EPB41L2: variants seen among roughly 807,000 people sequenced by gnomAD.
EPB41L2 encodes the protein erythrocyte membrane protein band 4.1 like 2.
Under a neutral mutation model 113.0 loss-of-function variants are expected in EPB41L2, and 43 were observed. The ratio of observed to expected loss-of-function variants is 0.38; its 90% CI spans 0.30 to 0.49. The LOEUF (loss-of-function observed/expected upper bound fraction) is 0.49, where lower values mean the gene tolerates loss of function less well. Among genes scored for constraint, EPB41L2 ranks in the 20% least tolerant of loss-of-function variants. The pLI, the probability that EPB41L2 is intolerant of heterozygous loss-of-function variation, is 0.95. For missense variants in EPB41L2, 1,147 were observed against 1,223.4 expected (o/e 0.94, Z 0.93); for synonymous variants, 442 against 436.7 (o/e 1.01, Z -0.15).
At chr6:130,879,630 A>C (rs191468754) in intron 13 of EPB41L2, among the ~76,000 whole-genome samples, 19 of 152,278 alleles carry the variant, frequency 1.2e-4, no homozygotes, top group African/African-American at 4.6e-4. Context: ...TAATTAAAAT[A>C]ATTTCTTTAA....
At chr6:130,913,616 C>T (rs1005346841) in intron 4 of EPB41L2, among the ~76,000 whole-genome samples, 7 of 151,946 alleles carry the variant, frequency 4.6e-5, no homozygotes, top group Non-Finnish European at 7.4e-5. Flanking sequence ...TAAATGATCA[C>T]GTTATATTAC....
At chr6:130,954,920 T>C (rs566773383) in intron 3 of EPB41L2, among the ~76,000 whole-genome samples, 185 bp downstream of exon 3, 1 of 152,330 alleles carries the variant, frequency 6.6e-6, no homozygotes, top group South Asian at 2.1e-4. Flanking sequence ...CAGAATAGCA[T>C]CCCTGCTTAT....
In EPB41L2 at chr6:130,865,573, T is replaced by A; in HGVS notation, c.2792A>T (p.Glu931Val). 2 of 1,614,188 alleles carry A rather than the reference T, an allele frequency of 1.2e-6. No homozygotes were observed. The highest frequency in any genetic ancestry group is 1.7e-6 in the Non-Finnish European group (2 of 1,180,036). The part of the protein sequence containing the change: ...TLLTAQTITS[E>V]SVSTTTTTHI... ...TGTGGTTGTCGTTGTTGACACGGAC[T>A]CAGATGTGATGGTTTGTGCGGTCAG... Residue 931 changes from glutamate to valine, a missense_variant, in exon 17 of 20, where the codon GAG becomes GTG. Glu to Val is a moderately radical substitution (Grantham distance 121, BLOSUM62 -2). Transcript: ENST00000337057.
intron 1 of EPB41L2, among the ~76,000 whole-genome samples, chr6:131,037,201 T>C (rs1358838308): frequency 6.6e-6 from 1 of 152,206 alleles, no homozygotes; most frequent in Non-Finnish European, 1.5e-5. Flanking sequence ...CACAAGCATC[T>C]ACAGAACGCT....
chr6:130,859,147 T>C (rs548802936), intron 18 of EPB41L2, among the ~76,000 whole-genome samples: 9 of 152,310 alleles, frequency 5.9e-5, no homozygotes, highest in African/African-American at 2.2e-4. Context: ...AGGAGGAAAA[T>C]AGCTTTCCTA....
chr6:131,057,345 T>C (rs1435900106), intron 1 of EPB41L2, among the ~76,000 whole-genome samples: 3 of 152,092 alleles, frequency 2.0e-5, no homozygotes, highest in Non-Finnish European at 4.4e-5. Flanking sequence ...AACCCCACTC[T>C]CCACCCCAGG....
chr6:131,035,680 G>A (rs1388499613), intron 1 of EPB41L2, among the ~76,000 whole-genome samples: 1 of 152,148 alleles, frequency 6.6e-6, no homozygotes, highest in African/African-American at 2.4e-5. Flanking sequence ...AGATAGACCT[G>A]GATTCAAATG....
At chr6:130,954,040 C>CTTTCTTTTCTTTTTTTTTTTTTT (rs1816373036) in intron 3 of EPB41L2, among the ~76,000 whole-genome samples, 1 of 58,850 alleles carries the variant, frequency 1.7e-5, no homozygotes, top group Non-Finnish European at 3.3e-5. Flanking sequence ...CCTTTTCTTT[C>CTTTCTTTTCTTTTTTTTTTTTTT]TTTTTTTTTT....
At chr6:130,858,047 T>G in intron 19 of EPB41L2, 84 bp downstream of exon 19, 1 of 1,076,974 alleles carries the variant, frequency 9.3e-7, no homozygotes, top group Non-Finnish European at 1.4e-6. Flanking sequence ...GACACTGATA[T>G]GAACTTTCAT....
At chr6:130,936,980 A>C (rs948606876) in intron 3 of EPB41L2, among the ~76,000 whole-genome samples, 1 of 152,222 alleles carries the variant, frequency 6.6e-6, no homozygotes, top group Non-Finnish European at 1.5e-5. Context: ...TTTTATTTAG[A>C]CCAGTTTTAG....
rs961873126 is a variant in EPB41L2, at chr6:130,910,919, T to G, written c.811-2056A>C. Among the ~76,000 whole-genome samples, 14 of 152,334 alleles carry G rather than the reference T, an allele frequency of 9.2e-5. 1 individual carries two copies. The highest frequency in any genetic ancestry group is 8.5e-4 in the Admixed American group (13 of 15,306). Reference sequence around the variant, plus strand: ...TGGAGAAACAGGAACACTTTTACACTGTTGGTGGGAGTGTAAATTAGTTCA... The same window carrying G: ...TGGAGAAACAGGAACACTTTTACACGGTTGGTGGGAGTGTAAATTAGTTCA... On this transcript the variant is annotated intron_variant, in intron 4 of 19. Coordinates refer to ENST00000337057, the MANE Select transcript of EPB41L2 (RefSeq NM_001431.4).
At chr6:130,933,064 T>C (rs565737564) in intron 3 of EPB41L2, among the ~76,000 whole-genome samples, 1 of 152,370 alleles carries the variant, frequency 6.6e-6, no homozygotes, top group Admixed American at 6.5e-5. Flanking sequence ...AAATACATTT[T>C]GGGAACTAGA....
chr6:130,899,216 G>GAA (rs11392700), intron 8 of EPB41L2, among the ~76,000 whole-genome samples: 2 of 145,940 alleles, frequency 1.4e-5, no homozygotes, highest in African/African-American at 5.0e-5. Flanking sequence ...GATAAGCGGT[G>GAA]AAAAAAAAAA....
chr6:130,852,799 C>T (rs879916558), intron 19 of EPB41L2, among the ~76,000 whole-genome samples: 2 of 152,186 alleles, frequency 1.3e-5, no homozygotes, highest in Non-Finnish European at 2.9e-5. Context: ...GCATCTCCAT[C>T]GCTCTCCTAC....
intron 1 of EPB41L2, among the ~76,000 whole-genome samples, chr6:130,997,448 G>A (rs1783399159): frequency 6.6e-6 from 1 of 152,132 alleles, no homozygotes; most frequent in Non-Finnish European, 1.5e-5. Flanking sequence ...AAGTGCAGGG[G>A]GGATCTACTT....
At chr6:130,887,922 T>A (rs1338595971) in intron 11 of EPB41L2, among the ~76,000 whole-genome samples, 2 of 152,218 alleles carry the variant, frequency 1.3e-5, no homozygotes, top group African/African-American at 2.4e-5. Context: ...CGGAGGGGAC[T>A]CCCTGTCCTA....
chr6:130,964,873 A>T (rs1256753977), intron 1 of EPB41L2, among the ~76,000 whole-genome samples: 1 of 152,192 alleles, frequency 6.6e-6, no homozygotes, highest in African/African-American at 2.4e-5. Context: ...ATAACCAATA[A>T]AGAGAAGTGC....
intron 1 of EPB41L2, among the ~76,000 whole-genome samples, chr6:130,965,546 A>G (rs973770269): frequency 3.3e-5 from 5 of 152,096 alleles, no homozygotes; most frequent in African/African-American, 1.2e-4. Flanking sequence ...CTCAACATCA[A>G]AAAAATAAAA....
chr6:131,016,520 A>ACACACACT (rs1220037897), intron 1 of EPB41L2, among the ~76,000 whole-genome samples: 2 of 139,468 alleles, frequency 1.4e-5, no homozygotes, highest in East Asian at 2.2e-4. Context: ...ACACACACAC[A>ACACACACT]CTCCACCAGG....
Sources: allele counts gnomAD v4.1 joint callset (sites outside exome capture counted in the v4.1 genomes callset), GRCh38; gene constraint gnomAD v4.1.1; transcripts MANE v1.5; gene names NCBI Gene and HGNC (gene_info 2026-07-23, HGNC 2026-07-21).